CTNND2: variants seen among roughly 807,000 people sequenced by gnomAD.
CTNND2 encodes the protein catenin delta 2, also known as catenin delta-2.
A neutral mutation model predicts 144.4 loss-of-function variants in CTNND2; 22 were observed. The ratio of observed to expected loss-of-function variants is 0.15; its 90% CI spans 0.11 to 0.22. The LOEUF is 0.22. Among genes scored for constraint, CTNND2 ranks in the 10% least tolerant of loss-of-function variants. CTNND2 has a pLI of 1.00. For missense variants in CTNND2, 1,353 were observed against 1,618.8 expected, an observed-to-expected ratio of 0.84 and a Z score of 2.82; for synonymous variants, 751 against 695.6, an observed-to-expected ratio of 1.08 and a Z score of -1.25.
chr5:11,710,590 A>T (rs1339104866), intron 2 of CTNND2, among the ~76,000 whole-genome samples: 2 of 152,052 alleles, frequency 1.3e-5, no homozygotes. Flanking sequence ...CAGCAAAAAC[A>T]GCTTGAAGAA....
intron 1 of CTNND2, among the ~76,000 whole-genome samples, chr5:11,748,266 T>A (rs977509249): frequency 2.6e-5 from 4 of 152,068 alleles, no homozygotes; most frequent in Admixed American, 1.3e-4. Context: ...ATATAACAAA[T>A]TTTGAAATTT....
intron 2 of CTNND2, among the ~76,000 whole-genome samples, chr5:11,717,074 G>A (rs1786394883): frequency 6.6e-6 from 1 of 151,120 alleles, no homozygotes; most frequent in Non-Finnish European, 1.5e-5. Context: ...CGCCATGTTG[G>A]CCAGGCTGGT....
chr5:11,674,202 T>A (rs1784049954), intron 2 of CTNND2, among the ~76,000 whole-genome samples: 1 of 152,206 alleles, frequency 6.6e-6, no homozygotes. Context: ...TCTACAGCTT[T>A]TCCTCCTAAG....
At position 11,848,736 on chromosome 5, in the gene CTNND2, C is replaced by T. The variant is rs116740252; in HGVS notation, c.37+55081G>A. ...TCTATACACATAGCTCTGAGGGAGG[C>T]ATATGGTATATGTGGATTGTGTATC... is the stretch of plus-strand genomic sequence containing the variant. On this transcript the variant is annotated intron_variant, in intron 1 of 21. Coordinates refer to ENST00000304623, the MANE Select transcript of CTNND2 (RefSeq NM_001332.4). Among the ~76,000 whole-genome samples the T allele has an allele frequency of 5.6e-3, 848 of 152,218 alleles. 6 individuals carry two copies. Among genetic ancestry groups the T allele is most frequent in the African/African-American group, 0.019 (785 of 41,536 alleles).
intron 3 of CTNND2, among the ~76,000 whole-genome samples, chr5:11,546,913 A>C (rs1464087479): frequency 6.6e-6 from 1 of 152,206 alleles, no homozygotes; most frequent in Non-Finnish European, 1.5e-5. Context: ...GAGCTACTTT[A>C]CGTGAAAAAA....
chr5:11,291,314 T>G (rs568707490), intron 9 of CTNND2, among the ~76,000 whole-genome samples: 30 of 152,318 alleles, frequency 2.0e-4, no homozygotes, highest in African/African-American at 7.0e-4. Context: ...AAACTTGAAG[T>G]AAATCTGAAT....
intron 1 of CTNND2, among the ~76,000 whole-genome samples, chr5:11,786,494 T>C (rs887828281): frequency 6.6e-6 from 1 of 152,202 alleles, no homozygotes; most frequent in African/African-American, 2.4e-5. Context: ...AGAGATGTTC[T>C]GAAAATTAAT....
At chr5:11,393,980 G>C (rs1444405810) in intron 6 of CTNND2, among the ~76,000 whole-genome samples, 2 of 152,000 alleles carry the variant, frequency 1.3e-5, no homozygotes, top group South Asian at 4.1e-4. Context: ...TGGCATCCTT[G>C]CTGCTCTGTC....
intron 3 of CTNND2, among the ~76,000 whole-genome samples, chr5:11,422,130 T>C (rs914654978): frequency 7.9e-5 from 12 of 152,134 alleles, no homozygotes; most frequent in African/African-American, 2.4e-4. Context: ...GCCCACCATA[T>C]GGCATTCAAC....
intron 11 of CTNND2, among the ~76,000 whole-genome samples, chr5:11,177,880 C>T (rs954516112): frequency 1.3e-5 from 2 of 152,060 alleles, no homozygotes; most frequent in Admixed American, 1.3e-4. Flanking sequence ...AAAAAGTATC[C>T]TCAATTCCAT....
intron 2 of CTNND2, among the ~76,000 whole-genome samples, chr5:11,618,611 T>G (rs546014656): frequency 1.6e-4 from 24 of 152,346 alleles, no homozygotes; most frequent in African/African-American, 5.8e-4. Context: ...GTAAAAATAC[T>G]ACTTAAGCCT....
At chr5:11,386,734 GT>G (rs1442630639) in intron 6 of CTNND2, among the ~76,000 whole-genome samples, 2 of 152,198 alleles carry the variant, frequency 1.3e-5, no homozygotes, top group Non-Finnish European at 2.9e-5. Flanking sequence ...AGCTCCATGA[GT>G]TTGTTCAATG....
In CTNND2 at chr5:11,374,263, G is replaced by A. The variant is rs537538361; in HGVS notation, c.1178-9373C>T. Among the ~76,000 whole-genome samples the A allele has an allele frequency of 6.6e-5, 10 of 152,272 alleles. No individual in the cohort carries two copies. The East Asian group carries it at 1.4e-3, about 21-fold the overall frequency. ...GAAATTATGGAGTGATTGAAATTTT[G>A]AATTTGTAATATCTTTGTACAGAAG... is the stretch of plus-strand genomic sequence containing the variant. On this transcript the variant is annotated intron_variant, in intron 7 of 21. Transcript: ENST00000304623.
rs1266308944 is a variant in CTNND2, at chr5:11,242,496, G to A, written c.1629-5673C>T. ...ATAGCGTCTAAAACAGTGCCCCTCC[G>A]AGGACATTTAGCAAAGCCTGAAGAC... is the stretch of plus-strand genomic sequence containing the variant. On this transcript the variant is annotated intron_variant, in intron 9 of 21. Transcript: ENST00000304623. Among the ~76,000 whole-genome samples the A allele has an allele frequency of 3.9e-5, 6 of 152,134 alleles. No individual in the cohort carries two copies. In the East Asian group the frequency reaches 7.7e-4, roughly 20 times the overall value.
chr5:11,870,273 C>A (rs1193029498), intron 1 of CTNND2, among the ~76,000 whole-genome samples: 2 of 152,086 alleles, frequency 1.3e-5, no homozygotes, highest in African/African-American at 2.4e-5. Flanking sequence ...GTTCTGCAGG[C>A]GTCTAGCAGA....
chr5:11,165,867 C>G (rs6892933), intron 11 of CTNND2, among the ~76,000 whole-genome samples: 44,647 of 151,992 alleles, frequency 0.29, 7,697 homozygotes, highest in Middle Eastern at 0.4. Context: ...GAGATGAAGA[C>G]TATCTTGGTT....
intron 9 of CTNND2, among the ~76,000 whole-genome samples, chr5:11,335,043 C>T (rs538033581): frequency 2.8e-4 from 43 of 152,224 alleles, no homozygotes; most frequent in African/African-American, 9.6e-4. Context: ...CTTACCTTTC[C>T]TCCTTTCCTC....
At chr5:11,901,499 T>C (rs1216448753) in intron 1 of CTNND2, among the ~76,000 whole-genome samples, 1 of 152,222 alleles carries the variant, frequency 6.6e-6, no homozygotes, top group African/African-American at 2.4e-5. Flanking sequence ...TGGCTTATAT[T>C]CTATTGTGAA....
chr5:11,849,973 C>T (rs1364267347), intron 1 of CTNND2, among the ~76,000 whole-genome samples: 54 of 152,250 alleles, frequency 3.5e-4, no homozygotes, highest in Non-Finnish European at 8.8e-5. Context: ...GTTTAAAATA[C>T]ACCCAGCACT....
Sources: gnomAD v4.1 joint callset for allele counts (sites outside exome capture counted in the v4.1 genomes callset) on GRCh38, gnomAD v4.1.1 for gene constraint, MANE v1.5 for transcripts, NCBI Gene and HGNC (gene_info 2026-07-23, HGNC 2026-07-21) for gene names.